The following EFCAB6 variants were observed in gnomAD, a reference collection of about 807,000 sequenced individuals.
EFCAB6 encodes the protein EF-hand calcium-binding domain-containing protein 6.
Under a neutral mutation model 169.8 loss-of-function variants are expected in EFCAB6, and 156 were observed. The observed-to-expected ratio is 0.92, with a 90% CI of 0.81 to 1.05. EFCAB6 has a LOEUF of 1.05. EFCAB6 is among the 50% of genes least tolerant of loss of function. The probability of loss-of-function intolerance (pLI) is 0.00; values close to 1 mark genes in which losing one functional copy is unlikely to be tolerated. For missense variants in EFCAB6, 1,800 were observed against 1,829.1 expected (o/e 0.98, Z 0.29); for synonymous variants, 698 against 676.4 (o/e 1.03, Z -0.50).
intron 6 of EFCAB6, among the ~76,000 whole-genome samples, chr22:43,749,174 G>A (rs1192134639): frequency 6.6e-6 from 1 of 152,136 alleles, no homozygotes; most frequent in Non-Finnish European, 1.5e-5. Context: ...AGGTAATCAA[G>A]ACTGGTCCTT....
intron 19 of EFCAB6, among the ~76,000 whole-genome samples, chr22:43,631,624 A>T (rs929030222): frequency 6.6e-6 from 1 of 152,002 alleles, no homozygotes; most frequent in Non-Finnish European, 1.5e-5. Flanking sequence ...ACAACAGCCA[A>T]TTACTATGAA....
chr22:43,600,406 G>A (rs374642650), intron 22 of EFCAB6, 143 bp from the exon 23 acceptor site: 38 of 831,002 alleles, frequency 4.6e-5, no homozygotes, highest in African/African-American at 3.6e-4. Context: ...GTGGGCCAGC[G>A]GAATCAGCCC....
At chr22:43,804,641 C>G (rs1411264008) in intron 2 of EFCAB6, among the ~76,000 whole-genome samples, 1 of 151,806 alleles carries the variant, frequency 6.6e-6, no homozygotes, top group Non-Finnish European at 1.5e-5. Context: ...GTGGCACGCA[C>G]CTGCAGTCCT....
chr22:43,753,805 G>A (rs1040136929), intron 6 of EFCAB6, among the ~76,000 whole-genome samples: 7 of 152,168 alleles, frequency 4.6e-5, no homozygotes, highest in Non-Finnish European at 2.9e-5. Flanking sequence ...AAACATGCAT[G>A]AGCAGAGTCT....
intron 17 of EFCAB6, among the ~76,000 whole-genome samples, chr22:43,642,998 C>G: frequency 6.6e-6 from 1 of 152,202 alleles, no homozygotes; most frequent in Non-Finnish European, 1.5e-5. Context: ...TACAGGTACA[C>G]TTCTCAAGCA....
chr22:43,604,587 G>C (rs900546461), intron 22 of EFCAB6, among the ~76,000 whole-genome samples: 2 of 152,006 alleles, frequency 1.3e-5, no homozygotes, highest in Admixed American at 6.6e-5. Context: ...TTCCCATCTT[G>C]AGGCTCCCTG....
At chr22:43,534,563 T>C in intron 30 of EFCAB6, 125 bp downstream of exon 30, 1 of 874,026 alleles carries the variant, frequency 1.1e-6, no homozygotes, top group Non-Finnish European at 1.6e-6. Flanking sequence ...AGTTTGAGGC[T>C]GCAGTGAACC....
chr22:43,654,373 G>A (rs1459082070), intron 17 of EFCAB6, among the ~76,000 whole-genome samples: 3 of 152,186 alleles, frequency 2.0e-5, no homozygotes, highest in Non-Finnish European at 2.9e-5. Context: ...AGAATAACTT[G>A]ACAGTAGTGA....
chr22:43,704,236 A>T (rs1274193847), intron 10 of EFCAB6, among the ~76,000 whole-genome samples: 1 of 152,146 alleles, frequency 6.6e-6, no homozygotes, highest in Non-Finnish European at 1.5e-5. Flanking sequence ...GGGGAAAAAA[A>T]CCCTGACAAC....
intron 2 of EFCAB6, among the ~76,000 whole-genome samples, chr22:43,806,452 C>T (rs566944988): frequency 9.9e-5 from 15 of 151,968 alleles, no homozygotes; most frequent in Non-Finnish European, 1.6e-4. Flanking sequence ...CACCATGTTA[C>T]CCAGGCTGGT....
chr22:43,604,203 T>C (rs113590975), intron 22 of EFCAB6, among the ~76,000 whole-genome samples: 27,260 of 152,100 alleles, frequency 0.18, 2,727 homozygotes, highest in Middle Eastern at 0.24. Flanking sequence ...CAGTCTCAGG[T>C]ATTTCTTTAT....
intron 2 of EFCAB6, among the ~76,000 whole-genome samples, chr22:43,790,596 G>A (rs760785590): frequency 3.1e-4 from 47 of 152,286 alleles, no homozygotes; most frequent in Admixed American, 2.5e-3. Flanking sequence ...AGAAACAGGC[G>A]GCCAGATGAA....
intron 17 of EFCAB6, among the ~76,000 whole-genome samples, chr22:43,646,761 G>A (rs2056184153): frequency 6.6e-6 from 1 of 152,174 alleles, no homozygotes; most frequent in African/African-American, 2.4e-5. Flanking sequence ...GCAAATTAAA[G>A]TAATGACTAT....
chr22:43,661,341 C>T (rs1255238897), intron 17 of EFCAB6, among the ~76,000 whole-genome samples: 1 of 152,134 alleles, frequency 6.6e-6, no homozygotes, highest in East Asian at 1.9e-4. Context: ...CGCACCATTG[C>T]ACTCCAGCCT....
intron 23 of EFCAB6, among the ~76,000 whole-genome samples, chr22:43,597,672 C>T (rs532350376): frequency 1.4e-4 from 22 of 152,238 alleles, no homozygotes; most frequent in Admixed American, 4.6e-4. Flanking sequence ...AAACACAGTA[C>T]GGCAATTTCC....
At chr22:43,666,701 T>G (rs1009838744) in intron 17 of EFCAB6, among the ~76,000 whole-genome samples, 2 of 142,586 alleles carry the variant, frequency 1.4e-5, no homozygotes, top group African/African-American at 2.7e-5. Context: ...GTTTTTTTTT[T>G]TTTTTTTTTT....
At chr22:43,697,423 C>A (rs1361548711) in intron 10 of EFCAB6, among the ~76,000 whole-genome samples, 5 of 152,162 alleles carry the variant, frequency 3.3e-5, no homozygotes, top group Non-Finnish European at 7.3e-5. Context: ...TGTGTACATA[C>A]ACGCACAAAA....
At chr22:43,565,154 C>A (rs182316092) in intron 26 of EFCAB6, among the ~76,000 whole-genome samples, 1 of 152,192 alleles carries the variant, frequency 6.6e-6, no homozygotes, top group African/African-American at 2.4e-5. Context: ...GGAGCATTTG[C>A]GTAATTGGGC....
chr22:43,728,101 C>T (rs1225826627), intron 8 of EFCAB6, among the ~76,000 whole-genome samples: 2 of 151,820 alleles, frequency 1.3e-5, no homozygotes, highest in Non-Finnish European at 2.9e-5. Context: ...GTGTGATGTT[C>T]CCCTCCCTAT....
Sources: gnomAD v4.1 joint callset for allele counts (sites outside exome capture counted in the v4.1 genomes callset) on GRCh38, gnomAD v4.1.1 for gene constraint, MANE v1.5 for transcripts, NCBI Gene and HGNC (gene_info 2026-07-23, HGNC 2026-07-21) for gene names.